The following TDRD9 variants were observed in gnomAD, a reference collection of about 807,000 sequenced individuals.
TDRD9 encodes ATP-dependent RNA helicase TDRD9.
Under a neutral mutation model 172.6 loss-of-function variants are expected in TDRD9, and 124 were observed. That is an observed-to-expected ratio of 0.72 (90% CI 0.62 to 0.83). The LOEUF is 0.83. Among genes scored for constraint, TDRD9 ranks in the 40% least tolerant of loss-of-function variants. The pLI, the probability that TDRD9 is intolerant of heterozygous loss-of-function variation, is 0.00. For synonymous variants in TDRD9, 619 were observed against 617.1 expected, an observed-to-expected ratio of 1.00 and a Z score of -0.05; for missense variants, 1,479 against 1,714.1, an observed-to-expected ratio of 0.86 and a Z score of 2.42.
intron 5 of TDRD9, among the ~76,000 whole-genome samples, chr14:103,967,277 T>C (rs554613541): frequency 1.5e-5 from 2 of 131,574 alleles, no homozygotes; most frequent in Non-Finnish European, 3.1e-5. Flanking sequence ...CCAAGGTGGG[T>C]GGATCACTTG....
chr14:103,952,180 G>T (rs2031918250), intron 1 of TDRD9, among the ~76,000 whole-genome samples: 1 of 63,528 alleles, frequency 1.6e-5, no homozygotes, highest in African/African-American at 4.2e-5. Flanking sequence ...ATATGTGTGT[G>T]CGTGTGTGTG....
intron 1 of TDRD9, chr14:103,939,764 T>TTTTTTTTTG (rs61621268): frequency 7.5e-6 from 1 of 133,076 alleles, no homozygotes; most frequent in African/African-American, 2.8e-5. Flanking sequence ...TTTTTTTTTT[T>TTTTTTTTTG]GAGACAAGGT....
intron 7 of TDRD9, among the ~76,000 whole-genome samples, chr14:103,981,452 G>A (rs932187454): frequency 6.6e-6 from 1 of 152,182 alleles, no homozygotes; most frequent in Non-Finnish European, 1.5e-5. Flanking sequence ...GGTGGGTTAT[G>A]TTCAATAGAA....
At chr14:103,985,009 A>G (rs1200195150) in intron 7 of TDRD9, among the ~76,000 whole-genome samples, 1 of 152,172 alleles carries the variant, frequency 6.6e-6, no homozygotes, top group Non-Finnish European at 1.5e-5. Flanking sequence ...TGGGACCTGT[A>G]GCCCCTTTAT....
At chr14:104,015,516 CA>C (rs767810636) in intron 21 of TDRD9, among the ~76,000 whole-genome samples, 1 of 152,166 alleles carries the variant, frequency 6.6e-6, no homozygotes, top group South Asian at 2.1e-4. Flanking sequence ...GGACTCTTTG[CA>C]GAGTGCATTT....
intron 33 of TDRD9, among the ~76,000 whole-genome samples, chr14:104,041,126 G>A (rs2035600699): frequency 1.3e-5 from 2 of 152,224 alleles, no homozygotes; most frequent in Admixed American, 6.5e-5. Context: ...AGGAGGAGCT[G>A]CAGAGACAGC....
rs58379140 is a variant in TDRD9 at position 103,950,090 on chromosome 14, C to CTTTTT, written c.216-5560_216-5556dup. ...GGGCCCTGCCCTCTTTCCTTCCTTC[C>CTTTTT]TTTTTTTTTTTTTTTTTTGATGGAG... On this transcript the variant is annotated intron_variant, in intron 1 of 35. Coordinates refer to ENST00000409874, the MANE Select transcript of TDRD9 (RefSeq NM_153046.3). 9.2e-4 allele frequency among the ~76,000 whole-genome samples: 100 copies of CTTTTT among 108,448 alleles called. 3 individuals carry two copies. In the East Asian group the frequency reaches 0.019, roughly 20 times the overall value. The allele number at this position is 108,448 out of a possible 152,430, so 71.1% of individuals were successfully genotyped here.
rs781505623 is a variant in TDRD9, at chr14:104,022,375, C to T, written c.2606+45C>T. The T allele has an allele frequency of 1.9e-6, 3 of 1,572,082 alleles. No homozygotes were observed. The Admixed American group carries it at 5.3e-5, about 28-fold the overall frequency. ...GGCAGACAGGCCGTGCCTGCTTTCA[C>T]ATTCTCAGGTGCTATTTTTACATGA... On this transcript the variant is annotated intron_variant, in intron 24 of 35. Coordinates refer to ENST00000409874, the MANE Select transcript of TDRD9 (RefSeq NM_153046.3).
chr14:103,932,952 G>A (rs1419489374), intron 1 of TDRD9, among the ~76,000 whole-genome samples: 8 of 152,062 alleles, frequency 5.3e-5, no homozygotes, highest in Non-Finnish European at 1.2e-4. Context: ...GTTCAGACAA[G>A]AATTGCCGGA....
chr14:103,992,842 A>G (rs570901100), intron 9 of TDRD9, among the ~76,000 whole-genome samples: 39 of 149,880 alleles, frequency 2.6e-4, no homozygotes, highest in African/African-American at 9.6e-4. Flanking sequence ...GGAGAATGGC[A>G]TGAACCTGGG....
At chr14:103,961,715 T>G (rs1273239199) in intron 2 of TDRD9, among the ~76,000 whole-genome samples, 1 of 152,188 alleles carries the variant, frequency 6.6e-6, no homozygotes, top group Non-Finnish European at 1.5e-5. Context: ...CTGGTTCCTC[T>G]GTTTATATAA....
chr14:104,018,741 C>T (rs2034866677), intron 23 of TDRD9, among the ~76,000 whole-genome samples: 1 of 152,194 alleles, frequency 6.6e-6, no homozygotes, highest in East Asian at 1.9e-4. Flanking sequence ...TACCAAAAAG[C>T]CTAAAGTAGG....
intron 32 of TDRD9, among the ~76,000 whole-genome samples, chr14:104,036,896 G>A (rs7156122): frequency 0.4 from 60,630 of 151,982 alleles, 12,254 homozygotes; most frequent in Middle Eastern, 0.43. Flanking sequence ...TATCGGAAAG[G>A]TAGCAGGGGG....
intron 13 of TDRD9, among the ~76,000 whole-genome samples, chr14:104,003,601 C>T (rs1004768653): frequency 8.5e-5 from 13 of 152,202 alleles, no homozygotes; most frequent in Admixed American, 7.2e-4. Flanking sequence ...CCTCCCTTCA[C>T]TCTCTCTCCT....
chr14:103,949,207 G>C (rs551665751), intron 1 of TDRD9, among the ~76,000 whole-genome samples: 1 of 152,366 alleles, frequency 6.6e-6, no homozygotes, highest in East Asian at 1.9e-4. Flanking sequence ...ATTTCTAGCA[G>C]AGGCTAAGTT....
chr14:103,959,328 A>G (rs74390269), intron 2 of TDRD9, among the ~76,000 whole-genome samples: 3,529 of 152,128 alleles, frequency 0.023, 79 homozygotes, highest in East Asian at 0.071. Context: ...GAACTCCTAG[A>G]CTCAAGTGAT....
At chr14:104,024,156 G>A (rs575758251) in intron 24 of TDRD9, among the ~76,000 whole-genome samples, 2 of 152,286 alleles carry the variant, frequency 1.3e-5, no homozygotes, top group South Asian at 2.1e-4. Context: ...TGAGCCAAGC[G>A]TGGATTCTTA....
chr14:104,046,044 C>T (rs1398338702), intron 34 of TDRD9, among the ~76,000 whole-genome samples: 1 of 152,190 alleles, frequency 6.6e-6, no homozygotes, highest in African/African-American at 2.4e-5. Context: ...GCAGCCTCCA[C>T]CTCCTGGGTT....
chr14:103,970,155 A>G (rs892665568), intron 5 of TDRD9, among the ~76,000 whole-genome samples: 1 of 152,058 alleles, frequency 6.6e-6, no homozygotes, highest in African/African-American at 2.4e-5. Context: ...CAGGCCTGGC[A>G]GGGGTTGTGG....
Sources: gnomAD v4.1 joint callset for allele counts (sites outside exome capture counted in the v4.1 genomes callset) on GRCh38, gnomAD v4.1.1 for gene constraint, MANE v1.5 for transcripts, NCBI Gene and HGNC (gene_info 2026-07-23, HGNC 2026-07-21) for gene names.